Variants in UCK2 observed in about 807,000 individuals in gnomAD.
UCK2 encodes the protein cytidine monophosphokinase 2.
UCK2 carries 6 observed loss-of-function variants against 30.8 expected under a neutral mutation model. That is an observed-to-expected ratio of 0.19 (90% confidence interval 0.11 to 0.38). The LOEUF is 0.38. UCK2 is among the 10% of genes least tolerant of loss of function. The probability of loss-of-function intolerance (pLI) is 1.00; values close to 1 mark genes in which losing one functional copy is unlikely to be tolerated. For synonymous variants in UCK2, 125 were observed against 133.6 expected, an observed-to-expected ratio of 0.94 and a Z score of 0.45; for missense variants, 210 against 339.8, an observed-to-expected ratio of 0.62 and a Z score of 3.00.
chr1:165,905,572 T>A (rs1272255153), intron 5 of UCK2, among the ~76,000 whole-genome samples: 1 of 152,206 alleles, frequency 6.6e-6, no homozygotes, highest in Non-Finnish European at 1.5e-5. Context: ...TGGTAGATAG[T>A]TATCAATCGA....
intron 1 of UCK2, among the ~76,000 whole-genome samples, chr1:165,858,755 A>T (rs973621276): frequency 6.6e-6 from 1 of 152,158 alleles, no homozygotes. Flanking sequence ...ATCTCTGAGA[A>T]GATGTTCACA....
intron 1 of UCK2, among the ~76,000 whole-genome samples, chr1:165,857,785 T>G (rs1386549903): frequency 6.6e-6 from 1 of 152,210 alleles, no homozygotes; most frequent in Non-Finnish European, 1.5e-5. Context: ...CAGCTTTGGC[T>G]GACATCTGTC....
chr1:165,898,673 T>A (rs1328931273), intron 4 of UCK2, among the ~76,000 whole-genome samples: 5 of 152,296 alleles, frequency 3.3e-5, no homozygotes, highest in Non-Finnish European at 7.3e-5. Flanking sequence ...ACGCTGGAAA[T>A]AAAGTGCATC....
chr1:165,842,704 G>T (rs1654359834), intron 1 of UCK2, among the ~76,000 whole-genome samples: 1 of 152,188 alleles, frequency 6.6e-6, no homozygotes, highest in African/African-American at 2.4e-5. Flanking sequence ...CCACATTGCT[G>T]CTGGAGTGAT....
intron 4 of UCK2, chr1:165,897,955 G>A (rs1008315770): frequency 6.6e-6 from 1 of 152,158 alleles, no homozygotes; most frequent in African/African-American, 2.4e-5. Context: ...GTTTCTTTAT[G>A]GATAATACAG....
At chr1:165,834,954 CTTTA>C (rs1049198034) in intron 1 of UCK2, among the ~76,000 whole-genome samples, 2 of 152,126 alleles carry the variant, frequency 1.3e-5, no homozygotes, top group African/African-American at 2.4e-5. Flanking sequence ...AGTTGTGCTT[CTTTA>C]TTTCTTTATT....
At chr1:165,899,120 C>T (rs1647372661) in intron 4 of UCK2, among the ~76,000 whole-genome samples, 1 of 152,222 alleles carries the variant, frequency 6.6e-6, no homozygotes, top group African/African-American at 2.4e-5. Context: ...TTTTACCCAT[C>T]TGTCACACCC....
chr1:165,887,373 T>C (rs1160729568), intron 1 of UCK2, among the ~76,000 whole-genome samples: 4 of 152,224 alleles, frequency 2.6e-5, no homozygotes, highest in African/African-American at 9.6e-5. Context: ...TATCCCATTT[T>C]ACTGGCCATT....
intron 1 of UCK2, among the ~76,000 whole-genome samples, chr1:165,862,040 C>T (rs926779628): frequency 6.6e-6 from 1 of 152,170 alleles, no homozygotes; most frequent in Non-Finnish European, 1.5e-5. Context: ...TCCTTGCTTA[C>T]TGAAATGGAA....
intron 1 of UCK2, among the ~76,000 whole-genome samples, chr1:165,828,276 G>T: frequency 6.6e-6 from 1 of 152,304 alleles, no homozygotes; most frequent in Middle Eastern, 3.4e-3. Context: ...TCCAGTGTCG[G>T]GGGAGAGGGC....
intron 5 of UCK2, among the ~76,000 whole-genome samples, chr1:165,903,582 C>T (rs865903031): frequency 9.2e-5 from 14 of 152,180 alleles, no homozygotes; most frequent in South Asian, 8.3e-4. Flanking sequence ...GGTGTGAGAC[C>T]GTTTACTGAG....
chr1:165,831,715 A>G (rs1654051523), intron 1 of UCK2, among the ~76,000 whole-genome samples: 1 of 152,204 alleles, frequency 6.6e-6, no homozygotes, highest in Non-Finnish European at 1.5e-5. Flanking sequence ...ACTTCAGTAC[A>G]GTACAAATCC....
At chr1:165,885,662 C>T in intron 1 of UCK2, among the ~76,000 whole-genome samples, 1 of 152,222 alleles carries the variant, frequency 6.6e-6, no homozygotes, top group East Asian at 1.9e-4. Context: ...TGAGACAGCG[C>T]TATGCAGCTG....
At chr1:165,856,061 C>T (rs1180889538) in intron 1 of UCK2, among the ~76,000 whole-genome samples, 1 of 152,016 alleles carries the variant, frequency 6.6e-6, no homozygotes, top group Non-Finnish European at 1.5e-5. Flanking sequence ...TAAAGAATTT[C>T]CCCATGTTAA....
At chr1:165,896,037 G>T (rs1028483406) in intron 3 of UCK2, 153 bp from the exon 4 acceptor site, 23 of 985,950 alleles carry the variant, frequency 2.3e-5, no homozygotes, top group Non-Finnish European at 3.5e-5. Flanking sequence ...CGAGGGCTCT[G>T]TAAGACCATA....
intron 1 of UCK2, 88 bp downstream of exon 1, chr1:165,828,020 C>G (rs1653935465): frequency 1.9e-6 from 2 of 1,031,012 alleles, no homozygotes. Flanking sequence ...GTGTCAGTTG[C>G]GGCAGCCACC....
At chr1:165,838,534 T>C (rs1654251635) in intron 1 of UCK2, among the ~76,000 whole-genome samples, 1 of 152,200 alleles carries the variant, frequency 6.6e-6, no homozygotes, top group Admixed American at 6.5e-5. Flanking sequence ...TGTTGAATGG[T>C]TGAAGAATGA....
At chr1:165,898,179 A>G (rs1647333203) in intron 4 of UCK2, among the ~76,000 whole-genome samples, 1 of 152,226 alleles carries the variant, frequency 6.6e-6, no homozygotes, top group African/African-American at 2.4e-5. Context: ...TGTGATACAC[A>G]GGGACAGATA....
intron 1 of UCK2, among the ~76,000 whole-genome samples, chr1:165,833,822 G>A (rs1286301459): frequency 2.6e-5 from 4 of 152,046 alleles, no homozygotes; most frequent in Non-Finnish European, 5.9e-5. Context: ...TTATATGTGA[G>A]TGTGTATGCA....
Sources: gnomAD v4.1 joint callset for allele counts (sites outside exome capture counted in the v4.1 genomes callset) on GRCh38, gnomAD v4.1.1 for gene constraint, MANE v1.5 for transcripts, NCBI Gene and HGNC (gene_info 2026-07-23, HGNC 2026-07-21) for gene names.